Variants in OXR1 observed in about 807,000 individuals in gnomAD.
The protein encoded by OXR1 is oxidation resistance protein 1.
In OXR1, 41 loss-of-function variants were observed where a neutral mutation model predicts 104.6. The ratio of observed to expected loss-of-function variants is 0.39; its 90% CI spans 0.31 to 0.51. The LOEUF (loss-of-function observed/expected upper bound fraction) is 0.51, where lower values mean the gene tolerates loss of function less well. OXR1 is among the 20% of genes least tolerant of loss of function. The pLI, the probability that OXR1 is intolerant of heterozygous loss-of-function variation, is 0.77. For missense variants in OXR1, 955 were observed against 1,031.9 expected (o/e 0.93, Z 1.02); for synonymous variants, 348 against 348.4 (o/e 1.00, Z 0.01).
At chr8:106,313,185 CT>C (rs1813781418) in intron 1 of OXR1, among the ~76,000 whole-genome samples, 2 of 151,842 alleles carry the variant, frequency 1.3e-5, no homozygotes, top group African/African-American at 2.4e-5. Flanking sequence ...ACCGGCTTCT[CT>C]TTTTTTGAGA....
At chr8:106,410,077 A>T (rs1244076113) in intron 2 of OXR1, among the ~76,000 whole-genome samples, 1 of 152,146 alleles carries the variant, frequency 6.6e-6, no homozygotes, top group Non-Finnish European at 1.5e-5. Flanking sequence ...CAATGGATAG[A>T]TAATTTCCTA....
At chr8:106,547,613 C>T (rs1376469207) in intron 3 of OXR1, among the ~76,000 whole-genome samples, 1 of 151,550 alleles carries the variant, frequency 6.6e-6, no homozygotes, top group African/African-American at 2.4e-5. Flanking sequence ...TCTGCCCAGC[C>T]TCCCAAACAG....
intron 3 of OXR1, among the ~76,000 whole-genome samples, chr8:106,619,390 G>A (rs921867649): frequency 6.6e-6 from 1 of 152,002 alleles, no homozygotes; most frequent in African/African-American, 2.4e-5. Context: ...TTTTTAATTA[G>A]AAATAATCTA....
chr8:106,474,022 C>T (rs201029385), intron 2 of OXR1, among the ~76,000 whole-genome samples: 17,040 of 110,698 alleles, frequency 0.15, 1,268 homozygotes, highest in East Asian at 0.28. Flanking sequence ...TACACACACA[C>T]ACACACACAC....
intron 2 of OXR1, among the ~76,000 whole-genome samples, chr8:106,406,782 T>G (rs1354607419): frequency 6.6e-6 from 1 of 152,146 alleles, no homozygotes; most frequent in Non-Finnish European, 1.5e-5. Context: ...ATACCTGTCA[T>G]TATACATGTG....
At chr8:106,392,402 T>C (rs543170268) in intron 2 of OXR1, among the ~76,000 whole-genome samples, 3 of 152,168 alleles carry the variant, frequency 2.0e-5, no homozygotes, top group East Asian at 3.9e-4. Flanking sequence ...AAGTAGGCAG[T>C]TGGAGAAGAT....
chr8:106,415,065 C>G (rs1043163984), intron 2 of OXR1, among the ~76,000 whole-genome samples: 2 of 152,070 alleles, frequency 1.3e-5, no homozygotes, highest in Admixed American at 6.6e-5. Flanking sequence ...AGTAGAAACT[C>G]CTGGCAATGT....
chr8:106,637,560 T>C (rs1247364320), intron 3 of OXR1, among the ~76,000 whole-genome samples: 1 of 152,158 alleles, frequency 6.6e-6, no homozygotes, highest in African/African-American at 2.4e-5. Flanking sequence ...GTATAGACGG[T>C]ACATTCTTCC....
At chr8:106,731,458 CT>C (rs1400939481) in intron 11 of OXR1, among the ~76,000 whole-genome samples, 5 of 151,906 alleles carry the variant, frequency 3.3e-5, no homozygotes, top group African/African-American at 7.3e-5. Context: ...ATGGATTGTA[CT>C]TGTGGTATTT....
intron 3 of OXR1, among the ~76,000 whole-genome samples, chr8:106,591,176 C>T (rs1819052016): frequency 6.6e-6 from 1 of 150,596 alleles, no homozygotes; most frequent in Non-Finnish European, 1.5e-5. Context: ...TCTCAGCAAA[C>T]TATCGCAAGG....
chr8:106,344,792 C>G (rs1391782531), intron 1 of OXR1, among the ~76,000 whole-genome samples: 1 of 152,222 alleles, frequency 6.6e-6, no homozygotes, highest in Middle Eastern at 3.2e-3. Flanking sequence ...CCTTTCCAGT[C>G]TTACATCTTA....
At chr8:106,392,375 A>G (rs1280854304) in intron 2 of OXR1, among the ~76,000 whole-genome samples, 5 of 152,184 alleles carry the variant, frequency 3.3e-5, no homozygotes, top group Non-Finnish European at 5.9e-5. Flanking sequence ...CCTTTAACAC[A>G]TCTAAGTAAA....
chr8:106,417,584 A>G (rs1818729998), intron 2 of OXR1, among the ~76,000 whole-genome samples: 1 of 152,146 alleles, frequency 6.6e-6, no homozygotes, highest in Non-Finnish European at 1.5e-5. Flanking sequence ...TGTTTCTATA[A>G]TAACATAATG....
intron 2 of OXR1, among the ~76,000 whole-genome samples, chr8:106,472,661 A>T (rs1821579721): frequency 6.6e-6 from 1 of 151,822 alleles, no homozygotes; most frequent in African/African-American, 2.4e-5. Context: ...AAAGGAAGAG[A>T]CTTATGCAAT....
intron 2 of OXR1, among the ~76,000 whole-genome samples, chr8:106,368,326 T>C (rs1216880432): frequency 1.3e-5 from 2 of 152,310 alleles, no homozygotes; most frequent in East Asian, 1.9e-4. Context: ...CTCATTATTA[T>C]ACATTTTAAG....
chr8:106,524,324 G>T (rs956730849), intron 3 of OXR1, among the ~76,000 whole-genome samples: 1 of 152,178 alleles, frequency 6.6e-6, no homozygotes, highest in African/African-American at 2.4e-5. Context: ...AGAAAACTGT[G>T]CACACAGGAA....
At chr8:106,744,070 G>A (rs1011866900) in intron 15 of OXR1, among the ~76,000 whole-genome samples, 1 of 152,158 alleles carries the variant, frequency 6.6e-6, no homozygotes, top group African/African-American at 2.4e-5. Flanking sequence ...AGGGAGAGGA[G>A]AGCATCAGAA....
At chr8:106,745,265 A>T (rs1835286338) in intron 15 of OXR1, among the ~76,000 whole-genome samples, 1 of 152,214 alleles carries the variant, frequency 6.6e-6, no homozygotes, top group African/African-American at 2.4e-5. Context: ...TTCTCAAATG[A>T]TTTTAAGTTC....
rs200066716 is a variant in OXR1, at chr8:106,581,507, T to TA, written c.220+62376dup. Among the ~76,000 whole-genome samples, 357 of 151,860 alleles carry TA rather than the reference T, an allele frequency of 2.4e-3. 2 individuals are homozygous for TA. The highest frequency in any genetic ancestry group is 6.2e-3 in the Admixed American group (94 of 15,222). Reference sequence around the variant, plus strand: ...ATATTTTGATTCTGTGTTTTTTTTTTAAAAAAAACCTTTTAAACATTTGTC... The same window carrying TA: ...ATATTTTGATTCTGTGTTTTTTTTTTAAAAAAAAACCTTTTAAACATTTGTC... On this transcript the variant is annotated intron_variant, in intron 3 of 16. Transcript: ENST00000517566.
Sources: allele counts gnomAD v4.1 joint callset (sites outside exome capture counted in the v4.1 genomes callset), GRCh38; gene constraint gnomAD v4.1.1; transcripts MANE v1.5; gene names NCBI Gene and HGNC (gene_info 2026-07-23, HGNC 2026-07-21).